SOX5: variants seen among roughly 807,000 people sequenced by gnomAD.
The protein encoded by SOX5 is transcription factor SOX-5.
Under a neutral mutation model 92.0 loss-of-function variants are expected in SOX5, and 9 were observed. The ratio of observed to expected loss-of-function variants is 0.10; its 90% CI spans 0.06 to 0.17. The LOEUF (loss-of-function observed/expected upper bound fraction) is 0.17, where lower values mean the gene tolerates loss of function less well. Ranked by LOEUF, SOX5 falls within the 10% of genes least tolerant of loss-of-function variation. The pLI is 1.00. For missense variants in SOX5, 642 were observed against 944.5 expected (o/e 0.68, Z 4.20); for synonymous variants, 344 against 336.3 (o/e 1.02, Z -0.25).
chr12:23,605,346 A>T (rs1278595441), intron 8 of SOX5, among the ~76,000 whole-genome samples: 1 of 151,614 alleles, frequency 6.6e-6, no homozygotes, highest in Admixed American at 6.6e-5. Context: ...ATATTACATC[A>T]AATATTTAAT....
intron 4 of SOX5, among the ~76,000 whole-genome samples, chr12:24,037,764 C>A (rs1009656033): frequency 6.6e-6 from 1 of 152,092 alleles, no homozygotes; most frequent in Non-Finnish European, 1.5e-5. Flanking sequence ...ATTATTTATT[C>A]ATTTTTACTA....
chr12:23,530,276 G>A lies in SOX5; in HGVS notation c.*3943C>T, dbSNP rs139348870. 4.5e-4 allele frequency: 68 copies of A among 152,318 alleles called. No homozygotes were observed. The highest frequency in any genetic ancestry group is 1.6e-3 in the African/African-American group (65 of 41,570). The allele number at this position is 152,318 out of a possible 1,614,324, so 9.4% of individuals were successfully genotyped here. ...AATTTACCCATTAGAATGAGTGAAA[G>A]TGTAATTATTTTTTATGTTTTAAAT... On this transcript the variant is annotated 3_prime_UTR_variant, in exon 15 of 15. Transcript: ENST00000451604.
At chr12:23,793,148 G>A (rs936762079) in intron 3 of SOX5, among the ~76,000 whole-genome samples, 1 of 152,136 alleles carries the variant, frequency 6.6e-6, no homozygotes, top group Non-Finnish European at 1.5e-5. Flanking sequence ...CTCCTCATAT[G>A]AAAATAAGTA....
chr12:23,948,564 A>G (rs982283526), intron 1 of SOX5, among the ~76,000 whole-genome samples: 1 of 151,972 alleles, frequency 6.6e-6, no homozygotes, highest in Non-Finnish European at 1.5e-5. Flanking sequence ...GAAAATGAAA[A>G]AAAGCCTGGG....
intron 1 of SOX5, among the ~76,000 whole-genome samples, chr12:24,485,943 CTGT>C (rs376040670): frequency 0.017 from 2,559 of 151,984 alleles, 66 homozygotes; most frequent in African/African-American, 0.057. Context: ...ATATACCTTT[CTGT>C]TGTTGTTGTT....
intron 1 of SOX5, 65 bp from the exon 2 acceptor site, chr12:23,896,089 G>T: frequency 9.0e-7 from 1 of 1,114,198 alleles, no homozygotes; most frequent in Non-Finnish European, 1.3e-6. Context: ...CCGTCATTGT[G>T]TGGTTAGGGG....
At chr12:24,551,486 T>C (rs1023470493) in intron 1 of SOX5, among the ~76,000 whole-genome samples, 7 of 152,234 alleles carry the variant, frequency 4.6e-5, no homozygotes, top group Non-Finnish European at 1.0e-4. Flanking sequence ...ACAAGATATT[T>C]TTGTATAACG....
intron 1 of SOX5, among the ~76,000 whole-genome samples, chr12:24,455,637 C>T (rs1345402719): frequency 6.6e-6 from 1 of 152,186 alleles, no homozygotes; most frequent in African/African-American, 2.4e-5. Flanking sequence ...TTTAGCATTT[C>T]CCTAAACATC....
At chr12:24,192,803 A>G (rs1302613332) in intron 4 of SOX5, among the ~76,000 whole-genome samples, 4 of 152,146 alleles carry the variant, frequency 2.6e-5, no homozygotes, top group African/African-American at 9.7e-5. Flanking sequence ...ACTGTCATTC[A>G]TCTTCCCTGT....
rs71059931 is a variant in SOX5, at chr12:23,843,554, C to CTTTTTTTTTTTT, written c.481+2417_481+2428dup. ...TCAGAATATTTGACAGTCATTTCTCCTTTTTTTTTTTTTTTTTTTTTTTTT... is the reference window on the plus strand; with the variant it reads ...TCAGAATATTTGACAGTCATTTCTCCTTTTTTTTTTTTTTTTTTTTTTTTTTTTTTTTTTTTT... On this transcript the variant is annotated intron_variant, in intron 3 of 14. Transcript: ENST00000451604. Among the ~76,000 whole-genome samples the CTTTTTTTTTTTT allele has an allele frequency of 1.8e-3, 128 of 71,332 alleles. 34 individuals are homozygous for CTTTTTTTTTTTT. The East Asian group carries it at 0.033, about 18-fold the overall frequency. The allele number at this position is 71,332 out of a possible 152,430, so 46.8% of individuals were successfully genotyped here.
At chr12:24,230,737 A>AC (rs1000937333) in intron 3 of SOX5, 8 of 152,206 alleles carry the variant, frequency 5.3e-5, no homozygotes, top group African/African-American at 1.7e-4. Flanking sequence ...GGAGTAACAT[A>AC]CCCTCTTAGA....
rs573217581 is a variant in SOX5 at position 23,762,122 on chromosome 12, T to C, written c.482-6398A>G. Among the ~76,000 whole-genome samples, 4 of 152,262 alleles carry C rather than the reference T, an allele frequency of 2.6e-5. No homozygotes were observed. In the South Asian group the frequency reaches 8.3e-4, roughly 32 times the overall value. On this transcript the variant is annotated intron_variant, in intron 3 of 14. Transcript: ENST00000451604. ...TTAAACAGCACAGTTTAAGTAATAT[T>C]GACCTTTACATATCTGGAAAGCTAT...
At chr12:24,059,765 C>T (rs569583555) in intron 4 of SOX5, among the ~76,000 whole-genome samples, 111 of 152,278 alleles carry the variant, frequency 7.3e-4, no homozygotes, top group African/African-American at 2.6e-3. Context: ...GTGCAACCCA[C>T]AATCAAGAGT....
intron 4 of SOX5, among the ~76,000 whole-genome samples, chr12:24,044,364 G>GT (rs1295690877): frequency 6.6e-6 from 1 of 152,166 alleles, no homozygotes; most frequent in African/African-American, 2.4e-5. Flanking sequence ...ACAGGGTATA[G>GT]TAAGTGCCAA....
At chr12:23,773,985 T>A (rs1415221209) in intron 3 of SOX5, among the ~76,000 whole-genome samples, 2 of 151,926 alleles carry the variant, frequency 1.3e-5, no homozygotes, top group African/African-American at 4.8e-5. Flanking sequence ...CAAGCAGATG[T>A]AGGCAAGGTA....
At chr12:24,140,483 A>G (rs868098796) in intron 4 of SOX5, among the ~76,000 whole-genome samples, 1 of 152,194 alleles carries the variant, frequency 6.6e-6, no homozygotes, top group South Asian at 2.1e-4. Context: ...TCATACAGGT[A>G]TTGCTTATTT....
At chr12:24,506,012 T>C (rs1948708429) in intron 1 of SOX5, among the ~76,000 whole-genome samples, 1 of 152,176 alleles carries the variant, frequency 6.6e-6, no homozygotes, top group Non-Finnish European at 1.5e-5. Flanking sequence ...AATATTTGCC[T>C]TGTAAATGGA....
At chr12:23,829,182 C>T (rs565885007) in intron 3 of SOX5, among the ~76,000 whole-genome samples, 8 of 152,118 alleles carry the variant, frequency 5.3e-5, no homozygotes, top group African/African-American at 1.9e-4. Context: ...AGGGCAAATG[C>T]TTGATATCCA....
chr12:24,347,920 T>C (rs543933389), intron 2 of SOX5, among the ~76,000 whole-genome samples: 25 of 152,222 alleles, frequency 1.6e-4, no homozygotes, highest in African/African-American at 6.0e-4. Flanking sequence ...CAGAGATGCT[T>C]TGAAGTACTT....
Sources: gnomAD v4.1 joint callset for allele counts (sites outside exome capture counted in the v4.1 genomes callset) on GRCh38, gnomAD v4.1.1 for gene constraint, MANE v1.5 for transcripts, NCBI Gene and HGNC (gene_info 2026-07-23, HGNC 2026-07-21) for gene names.